SLC26A3: variants seen among roughly 807,000 people sequenced by gnomAD.
The protein encoded by SLC26A3 is solute carrier family 26 member 3.
A neutral mutation model predicts 85.6 loss-of-function variants in SLC26A3; 64 were observed. That is an observed-to-expected ratio of 0.75 (90% CI 0.61 to 0.92). The LOEUF is 0.92. Among genes scored for constraint, SLC26A3 ranks in the 40% least tolerant of loss-of-function variants. The pLI is 0.00. For missense variants in SLC26A3, 922 were observed against 927.3 expected, an observed-to-expected ratio of 0.99 and a Z score of 0.07; for synonymous variants, 349 against 336.0, an observed-to-expected ratio of 1.04 and a Z score of -0.42.
intron 3 of SLC26A3, among the ~76,000 whole-genome samples, chr7:107,792,590 G>T (rs2395890): frequency 6.6e-6 from 1 of 151,900 alleles, no homozygotes; most frequent in Non-Finnish European, 1.5e-5. Flanking sequence ...AATAAGGAGC[G>T]GCTGTAAATA....
rs375903590 is a variant in SLC26A3, at chr7:107,797,740, C to CTTTTTTTTTTTTTTTTTTT, written c.-88-3144_-88-3143insAAAAAAAAAAAAAAAAAAA. On this transcript the variant is annotated intron_variant, in intron 1 of 20. Transcript: ENST00000340010. ...CATTTCTGAGATTCTTGAGCAGGAC[C>CTTTTTTTTTTTTTTTTTTT]TTTTTTTTTTGAGACGGAGTCTTGC... 7.0e-3 allele frequency among the ~76,000 whole-genome samples: 885 copies of CTTTTTTTTTTTTTTTTTTT among 127,226 alleles called. 56 individuals are homozygous for CTTTTTTTTTTTTTTTTTTT. The highest frequency in any genetic ancestry group is 0.026 in the African/African-American group (794 of 30,418). 83.5% of individuals were successfully genotyped at this position (127,226 alleles called of 152,430 possible). A position where few individuals can be genotyped will look rare whatever the true frequency, so the allele number is the denominator to read the frequency against.
chr7:107,780,320 A>G (rs893363507), intron 11 of SLC26A3, among the ~76,000 whole-genome samples: 1 of 152,160 alleles, frequency 6.6e-6, no homozygotes. Context: ...AAAATTAGTC[A>G]GTGAATGAGT....
chr7:107,782,969 T>C lies in SLC26A3; in HGVS notation c.1233+11A>G. 4 of 1,613,746 alleles carry C rather than the reference T, an allele frequency of 2.5e-6. No individual in the cohort carries two copies. In the South Asian group the frequency reaches 3.3e-5, roughly 13 times the overall value. ...GCTAGGACAGTGCTTGCAGCAAAGA[T>C]CTTGACATACCTGTGTTTTGCCTCC... On this transcript the variant is annotated intron_variant, in intron 10 of 20. Coordinates refer to ENST00000340010, the MANE Select transcript of SLC26A3 (RefSeq NM_000111.3).
At chr7:107,774,689 T>C in intron 16 of SLC26A3, 88 bp downstream of exon 16, 1 of 969,290 alleles carries the variant, frequency 1.0e-6, no homozygotes, top group Non-Finnish European at 1.7e-6. Context: ...TTATCTGGCA[T>C]TTCATTTAAA....
rs886061904 is a variant in SLC26A3, at chr7:107,791,108, A to C, written c.510T>G (p.Asp170Glu). 1 of 1,614,082 alleles carries C rather than the reference A, an allele frequency of 6.2e-7. No individual in the cohort carries two copies. Among genetic ancestry groups the C allele is most frequent in the Non-Finnish European group, 8.5e-7 (1 of 1,180,044 alleles). Reference protein sequence around the residue: ...PNNSNNSSLLDDERVRVAAAA... With the variant: ...PNNSNNSSLLEDERVRVAAAA... ...CCGCCGCCACCCTCACCCTCTCGTC[A>C]TCCAGTAGTGAAGAATTATTCGAGT... Residue 170 changes from aspartate to glutamate, a missense_variant, in exon 5 of 21, where the codon GAT becomes GAG. Coordinates refer to ENST00000340010, the MANE Select transcript of SLC26A3 (RefSeq NM_000111.3).
At chr7:107,793,698 G>A in intron 3 of SLC26A3, 44 bp downstream of exon 3, 5 of 1,443,478 alleles carry the variant, frequency 3.5e-6, no homozygotes, top group Non-Finnish European at 4.8e-6. Flanking sequence ...ACATTCAGAG[G>A]AAGAATTTTA....
At chr7:107,790,754 T>A (rs1211140789) in intron 5 of SLC26A3, among the ~76,000 whole-genome samples, 1 of 152,164 alleles carries the variant, frequency 6.6e-6, no homozygotes, top group Admixed American at 6.5e-5. Flanking sequence ...GTTTCTTGAC[T>A]CTATCAATTC....
chr7:107,797,739 C>CATTTTTT (rs781396459), intron 1 of SLC26A3, among the ~76,000 whole-genome samples: 1 of 70,538 alleles, frequency 1.4e-5, no homozygotes, highest in African/African-American at 8.3e-5. Flanking sequence ...TTGAGCAGGA[C>CATTTTTT]CTTTTTTTTT....
intron 15 of SLC26A3, 166 bp downstream of exon 15, chr7:107,776,286 A>G (rs1169792855): frequency 6.0e-6 from 4 of 671,972 alleles, no homozygotes; most frequent in Middle Eastern, 4.0e-4. Context: ...CAAACTCCCC[A>G]TAAGGTAGTT....
chr7:107,794,681 T>C, intron 1 of SLC26A3, 84 bp from the exon 2 acceptor site: 3 of 681,728 alleles, frequency 4.4e-6, no homozygotes, highest in Non-Finnish European at 7.7e-6. Context: ...GAACTGAATG[T>C]TACCACCTTT....
chr7:107,781,831 C>T (rs1364592132), intron 11 of SLC26A3, among the ~76,000 whole-genome samples: 3 of 152,052 alleles, frequency 2.0e-5, no homozygotes, highest in African/African-American at 7.2e-5. Flanking sequence ...CATTTGTGGG[C>T]TGTATCATAT....
rs1379115492 is a variant in SLC26A3 at position 107,787,506 on chromosome 7, G to T, written c.739C>A (p.Leu247Ile). Residue 247 changes from leucine to isoleucine, a missense_variant, in exon 7 of 21, where the codon CTA (leucine) becomes ATA (isoleucine). By Grantham distance (5) the Leu-to-Ile change is conservative. Coordinates refer to ENST00000340010, the MANE Select transcript of SLC26A3 (RefSeq NM_000111.3). ...HTDPVSIFKVLYSVFSQIEKT... is the reference protein window; with the variant it reads ...HTDPVSIFKVIYSVFSQIEKT... ...TCTATTTGTGAGAATACAGAGTATA[G>T]TACCTACAATTATAAAAACAAAAAC... is the stretch of plus-strand genomic sequence containing the variant. The T allele has an allele frequency of 6.2e-7, 1 of 1,612,704 alleles. No individual in the cohort carries two copies. The highest frequency in any genetic ancestry group is 8.5e-7 in the Non-Finnish European group (1 of 1,179,470).
chr7:107,780,956 C>A (rs182488574), intron 11 of SLC26A3, among the ~76,000 whole-genome samples: 2 of 152,120 alleles, frequency 1.3e-5, no homozygotes, highest in Non-Finnish European at 2.9e-5. Flanking sequence ...GTACAACGGG[C>A]CTCTCCATTT....
intron 1 of SLC26A3, among the ~76,000 whole-genome samples, chr7:107,797,058 G>T (rs1794516931): frequency 6.6e-6 from 1 of 152,102 alleles, no homozygotes; most frequent in African/African-American, 2.4e-5. Context: ...GGATGGCTAT[G>T]GCTGTCTCTT....
chr7:107,769,640 T>G (rs1279045955), intron 18 of SLC26A3, among the ~76,000 whole-genome samples: 1 of 152,102 alleles, frequency 6.6e-6, no homozygotes, highest in Non-Finnish European at 1.5e-5. Flanking sequence ...AGGCTTAATA[T>G]CTGGGTGACA....
intron 2 of SLC26A3, 79 bp downstream of exon 2, chr7:107,794,300 G>A (rs981280495): frequency 7.3e-6 from 11 of 1,503,340 alleles, no homozygotes; most frequent in East Asian, 2.3e-5. Flanking sequence ...CCAGAAAGGA[G>A]AGTTGGAAAG....
At chr7:107,768,908 G>A (rs753133549) in intron 18 of SLC26A3, among the ~76,000 whole-genome samples, 51 of 152,250 alleles carry the variant, frequency 3.3e-4, no homozygotes, top group Middle Eastern at 3.4e-3. Flanking sequence ...AGGGCATTGT[G>A]GCCACCAGGA....
chr7:107,793,699 A>T, intron 3 of SLC26A3, 43 bp downstream of exon 3: 1 of 1,449,456 alleles, frequency 6.9e-7, no homozygotes. Flanking sequence ...CATTCAGAGG[A>T]AGAATTTTAT....
chr7:107,787,646 C>T (rs1191188420), intron 6 of SLC26A3, 137 bp from the exon 7 acceptor site: 2 of 729,296 alleles, frequency 2.7e-6, no homozygotes, highest in African/African-American at 1.8e-5. Flanking sequence ...TGTATTGCCC[C>T]GGTTTAATTG....
Sources: allele counts gnomAD v4.1 joint callset (sites outside exome capture counted in the v4.1 genomes callset), GRCh38; gene constraint gnomAD v4.1.1; transcripts MANE v1.5; gene names NCBI Gene and HGNC (gene_info 2026-07-23, HGNC 2026-07-21).